Variants in ONECUT3 observed in about 807,000 individuals in gnomAD.
The protein encoded by ONECUT3 is one cut domain family member 3.
Under a neutral mutation model 16.8 loss-of-function variants are expected in ONECUT3, and 11 were observed. The ratio of observed to expected loss-of-function variants is 0.66; its 90% CI spans 0.41 to 1.09. ONECUT3 has a LOEUF of 1.09. ONECUT3 is among the 50% of genes least tolerant of loss of function. The probability of loss-of-function intolerance (pLI) is 0.00; values close to 1 mark genes in which losing one functional copy is unlikely to be tolerated. For synonymous variants in ONECUT3, 344 were observed against 310.7 expected (o/e 1.11, Z -1.13); for missense variants, 637 against 629.9 (o/e 1.01, Z -0.12).
chr19:1,775,126 G>GGGCGCCCCCCC, intron 1 of ONECUT3, 27 bp from the exon 2 acceptor site: 6 of 1,143,894 alleles, frequency 5.2e-6, no homozygotes, highest in Non-Finnish European at 7.2e-6. Flanking sequence ...TGTCCCGCTC[G>GGGCGCCCCCCC]CCCGCCCGCC....
chr19:1,758,056 G>A lies in ONECUT3; in HGVS notation c.1192+3202G>A, dbSNP rs1189275416. Reference sequence around the variant, plus strand: ...GGGCGGGCCACGCGTTTCCGCAGGTGCCGAGTGTCCTGCCGGGCGCCGGGG... The same window carrying A: ...GGGCGGGCCACGCGTTTCCGCAGGTACCGAGTGTCCTGCCGGGCGCCGGGG... On this transcript the variant is annotated intron_variant, in intron 1 of 1. Coordinates refer to ENST00000382349, the MANE Select transcript of ONECUT3 (RefSeq NM_001080488.2). This position sits in a 1 kb window ranked among gnomAD's most constrained non-coding sequence, Gnocchi z 5.9. Among the ~76,000 whole-genome samples, 1 of 152,180 alleles carries A rather than the reference G, an allele frequency of 6.6e-6. No individual in the cohort carries two copies.
rs139647966 is a variant in ONECUT3, at chr19:1,771,988, A to AT, written c.1193-3163dup. 2.8e-5 allele frequency among the ~76,000 whole-genome samples: 4 copies of AT among 141,394 alleles called. No individual in the cohort carries two copies. In the East Asian group the frequency reaches 6.4e-4, roughly 23 times the overall value. The allele number at this position is 141,394 out of a possible 152,430, so 92.8% of individuals were successfully genotyped here. A position where few individuals can be genotyped will look rare whatever the true frequency, so the allele number is the denominator to read the frequency against. ...GCCACTTCATCCAGCCTATTTAGTT[A>AT]TTATTTATTTATTTATTTATTTATT... is the stretch of plus-strand genomic sequence containing the variant. On this transcript the variant is annotated intron_variant, in intron 1 of 1. Transcript: ENST00000382349.
chr19:1,773,161 C>T (rs2145967565), intron 1 of ONECUT3, among the ~76,000 whole-genome samples: 1 of 152,076 alleles, frequency 6.6e-6, no homozygotes, highest in East Asian at 1.9e-4. Flanking sequence ...TTCTCTTACT[C>T]CTCTGGGAAT....
Position 1,754,843 on chromosome 19 carries a change from T to G in ONECUT3, c.1181T>G (p.Leu394Arg). Residue 394 changes from leucine to arginine, a missense_variant, in exon 1 of 2, where the codon CTG (leucine) becomes CGG (arginine). This residue lies in a region of ONECUT3 where 183 missense variants were observed against 188.3 expected (regional missense o/e 0.97). Coordinates refer to ENST00000382349, the MANE Select transcript of ONECUT3 (RefSeq NM_001080488.2). The surrounding 1 kb of genome is among the most constrained non-coding windows in gnomAD (Gnocchi z 7.4). ...QEPEFQRMSA[L>R]RLAACKRKEQ... ...CCAGAGTTCCAGCGCATGTCGGCGCTGCGCTTGGCAGGTAGGAGCGTGGCG... is the reference window on the plus strand; with the variant it reads ...CCAGAGTTCCAGCGCATGTCGGCGCGGCGCTTGGCAGGTAGGAGCGTGGCG... The G allele has an allele frequency of 1.3e-6, 2 of 1,506,260 alleles. No homozygotes were observed. Among genetic ancestry groups the G allele is most frequent in the Non-Finnish European group, 1.8e-6 (2 of 1,123,696 alleles). The allele number at this position is 1,506,260 out of a possible 1,614,324, so 93.3% of individuals were successfully genotyped here.
rs559950038 is a variant in ONECUT3 at position 1,764,755 on chromosome 19, G to T, written c.1192+9901G>T. Among the ~76,000 whole-genome samples, 4 of 146,392 alleles carry T rather than the reference G, an allele frequency of 2.7e-5. No homozygotes were observed. The South Asian group carries it at 9.1e-4, about 33-fold the overall frequency. On this transcript the variant is annotated intron_variant, in intron 1 of 1. Transcript: ENST00000382349. The surrounding 1 kb of genome is among the most constrained non-coding windows in gnomAD (Gnocchi z 5.0). Reference sequence around the variant, plus strand: ...GGCCCCCCACAGTAACTGGACATGTGACCTTGGGCAAGTCACCCACTGACT... The same window carrying T: ...GGCCCCCCACAGTAACTGGACATGTTACCTTGGGCAAGTCACCCACTGACT...
chr19:1,771,188 G>T (rs2068051125), intron 1 of ONECUT3, among the ~76,000 whole-genome samples: 1 of 152,056 alleles, frequency 6.6e-6, no homozygotes, highest in Non-Finnish European at 1.5e-5. Context: ...ATCTGGGTGG[G>T]GCTGCCCTCC....
intron 1 of ONECUT3, among the ~76,000 whole-genome samples, chr19:1,760,864 C>G (rs1254356824): frequency 6.6e-6 from 1 of 152,106 alleles, no homozygotes; most frequent in Non-Finnish European, 1.5e-5. Flanking sequence ...CTGGAGCTGG[C>G]CTTTGGCTCT....
intron 1 of ONECUT3, among the ~76,000 whole-genome samples, chr19:1,767,029 A>T (rs1294669934): frequency 6.6e-6 from 1 of 151,840 alleles, no homozygotes; most frequent in African/African-American, 2.4e-5. Flanking sequence ...GGGAGAGGCC[A>T]TTGCTCCTGG....
Position 1,766,446 on chromosome 19 carries a change from GAGA to G in ONECUT3, c.1193-8704_1193-8702del, listed in dbSNP as rs1312067131. 6.6e-6 allele frequency among the ~76,000 whole-genome samples: 1 copy of G among 151,502 alleles called. No homozygotes were observed. The highest frequency in any genetic ancestry group is 2.4e-5 in the African/African-American group (1 of 41,242). On this transcript the variant is annotated intron_variant, in intron 1 of 1. Coordinates refer to ENST00000382349, the MANE Select transcript of ONECUT3 (RefSeq NM_001080488.2). This position sits in a 1 kb window ranked among gnomAD's most constrained non-coding sequence, Gnocchi z 4.0. ...GGATGAAGGGGAGGATGAAGGGGGA[GAGA>G]AGGAGGAGGAGGGGGAGAGGGAAGG...
chr19:1,771,464 A>G (rs563694175), intron 1 of ONECUT3, among the ~76,000 whole-genome samples: 2 of 152,326 alleles, frequency 1.3e-5, no homozygotes, highest in Admixed American at 1.3e-4. Context: ...TAGCAATTCT[A>G]GCTGAAAATA....
chr19:1,761,218 A>G (rs368690405), intron 1 of ONECUT3, among the ~76,000 whole-genome samples: 9 of 151,740 alleles, frequency 5.9e-5, no homozygotes, highest in African/African-American at 2.2e-4. Context: ...ACGCCCAGCT[A>G]ATTTTTGTGT....
chr19:1,769,317 G>C (rs1162145770), intron 1 of ONECUT3, among the ~76,000 whole-genome samples: 1 of 151,836 alleles, frequency 6.6e-6, no homozygotes, highest in Non-Finnish European at 1.5e-5. Context: ...ACTGACATTG[G>C]TGGTGCAGGA....
chr19:1,770,975 A>G (rs1355536550), intron 1 of ONECUT3, among the ~76,000 whole-genome samples: 2 of 152,218 alleles, frequency 1.3e-5, no homozygotes, highest in African/African-American at 4.8e-5. Flanking sequence ...CTAAATTAAC[A>G]TTTAGTAATT....
chr19:1,763,942 C>T (rs1031097196), intron 1 of ONECUT3, among the ~76,000 whole-genome samples: 3 of 152,122 alleles, frequency 2.0e-5, no homozygotes, highest in Admixed American at 6.5e-5. Context: ...ATAGCGGCTG[C>T]AATGAATACG....
At chr19:1,763,380 A>AAAAAAAAAAAAAAAAAAAAAG (rs2067957640) in intron 1 of ONECUT3, among the ~76,000 whole-genome samples, 1 of 130,322 alleles carries the variant, frequency 7.7e-6, no homozygotes, top group Non-Finnish European at 1.6e-5. Flanking sequence ...AAAAAAAAAA[A>AAAAAAAAAAAAAAAAAAAAAG]AAAAAAAAAA....
Position 1,775,340 on chromosome 19 carries a change from C to T in ONECUT3, c.1380C>T (p.Asn460=), listed in dbSNP as rs1391070978. The change falls in exon 2 of 2, where the codon AAC becomes AAT. Residue 460 remains asparagine (N), a synonymous_variant. Transcript: ENST00000382349. ...QLGLELNTVS[N]FFMNARRRCM... ...GCTTGGAGCTCAACACCGTCAGCAA[C>T]TTCTTCATGAACGCGCGGCGCCGCT... 10 of 1,539,312 alleles carry T rather than the reference C, an allele frequency of 6.5e-6. No individual in the cohort carries two copies. In the Admixed American group the frequency reaches 1.6e-4, roughly 25 times the overall value.
At chr19:1,773,010 G>A (rs2068071106) in intron 1 of ONECUT3, among the ~76,000 whole-genome samples, 1 of 151,750 alleles carries the variant, frequency 6.6e-6, no homozygotes. Flanking sequence ...GCCAATATCT[G>A]CTTAACTTTA....
chr19:1,767,761 G>A (rs1230470187), intron 1 of ONECUT3, among the ~76,000 whole-genome samples: 1 of 152,358 alleles, frequency 6.6e-6, no homozygotes, highest in South Asian at 2.1e-4. Context: ...GGGCGGCGGC[G>A]CAGGCCCAGG....
Position 1,753,862 on chromosome 19 carries a change from G to T in ONECUT3, c.200G>T (p.Gly67Val). Residue 67 changes from glycine to valine, a missense_variant, in exon 1 of 2, where the codon GGC becomes GTC. By Grantham distance (109) the Gly-to-Val change is moderately radical (BLOSUM62 -3). Around this residue, in one of 3 missense-constraint regions of ONECUT3, gnomAD observed 419 missense variants for 377.9 expected, o/e 1.11. Transcript: ENST00000382349. ...GGCGGCGGCGGTGGGGGCGCCGGGG[G>T]CGCGGGCGGCGCGGGCAGCGCGGGC... Reference protein sequence around the residue: ...GGGGGGGGAGGAGGAGSAGGG... With the variant: ...GGGGGGGGAGVAGGAGSAGGG... The T allele has an allele frequency of 1.0e-6, 1 of 975,926 alleles. No individual in the cohort carries two copies. The highest frequency in any genetic ancestry group is 1.2e-6 in the Non-Finnish European group (1 of 824,268). 60.5% of individuals were successfully genotyped at this position (975,926 alleles called of 1,614,324 possible). A position where few individuals can be genotyped will look rare whatever the true frequency, so the allele number is the denominator to read the frequency against.
Sources: allele counts gnomAD v4.1 joint callset (sites outside exome capture counted in the v4.1 genomes callset), GRCh38; gene constraint gnomAD v4.1.1; regional missense constraint gnomAD v4.1.1; non-coding constraint Gnocchi (gnomAD v3.1); transcripts MANE v1.5; gene names NCBI Gene and HGNC (gene_info 2026-07-23, HGNC 2026-07-21).